ADCK1: variants seen among roughly 807,000 people sequenced by gnomAD.
ADCK1 encodes the protein aarF domain containing kinase 1, also known as aarF domain-containing protein kinase 1.
In ADCK1, 41 loss-of-function variants were observed where a neutral mutation model predicts 52.3. That is an observed-to-expected ratio of 0.78 (90% CI 0.61 to 1.02). The LOEUF (loss-of-function observed/expected upper bound fraction) is 1.02. ADCK1 is among the 50% of genes least tolerant of loss of function. The probability of loss-of-function intolerance (pLI) is 0.00; values close to 1 mark genes in which losing one functional copy is unlikely to be tolerated. For missense variants in ADCK1, 658 were observed against 679.5 expected, an observed-to-expected ratio of 0.97 and a Z score of 0.35; for synonymous variants, 250 against 274.6, an observed-to-expected ratio of 0.91 and a Z score of 0.89.
At chr14:77,908,068 G>T in intron 7 of ADCK1, 149 bp downstream of exon 7, 1 of 643,466 alleles carries the variant, frequency 1.6e-6, no homozygotes, top group Non-Finnish European at 2.7e-6. Flanking sequence ...TAAACTTTGA[G>T]CAAGAAAGAT....
chr14:77,831,864 CG>C (rs1356050672), intron 3 of ADCK1, among the ~76,000 whole-genome samples: 5 of 152,134 alleles, frequency 3.3e-5, no homozygotes, highest in Non-Finnish European at 5.9e-5. Context: ...GGGCTAAGGT[CG>C]GGTGACAACT....
At chr14:77,912,438 G>GTA (rs2083814937) in intron 7 of ADCK1, among the ~76,000 whole-genome samples, 1 of 79,482 alleles carries the variant, frequency 1.3e-5, no homozygotes, top group Non-Finnish European at 2.6e-5. Flanking sequence ...AGGAGCGTGT[G>GTA]TGTGTGTGTG....
intron 4 of ADCK1, among the ~76,000 whole-genome samples, chr14:77,873,860 C>G (rs1444211922): frequency 6.6e-6 from 1 of 152,216 alleles, no homozygotes; most frequent in Admixed American, 6.5e-5. Context: ...TTATAAATTC[C>G]CCAGCCTTGG....
At position 77,931,540 on chromosome 14, in the gene ADCK1, C is replaced by T. The variant is rs746764117; in HGVS notation, c.1229C>T (p.Ala410Val). ...CAGGACTTAGAGATTCGCAACAACG[C>T]GGCCAACTACCTCCCCCAGATCAGC... Reference protein sequence around the residue: ...ATEDLEIRNNAANYLPQISHL... With the variant: ...ATEDLEIRNNVANYLPQISHL... Residue 410 changes from alanine to valine, a missense_variant, in exon 10 of 11, where the codon GCG becomes GTG. Ala to Val is a moderately conservative substitution (Grantham distance 64). Coordinates refer to ENST00000238561, the MANE Select transcript of ADCK1 (RefSeq NM_020421.4). 22 of 1,613,680 alleles carry T rather than the reference C, an allele frequency of 1.4e-5. No homozygotes were observed. The highest frequency in any genetic ancestry group is 4.0e-5 in the African/African-American group (3 of 74,932).
chr14:77,860,796 C>T (rs548847935), intron 4 of ADCK1, among the ~76,000 whole-genome samples: 1 of 152,314 alleles, frequency 6.6e-6, no homozygotes, highest in Middle Eastern at 3.4e-3. Context: ...ACGAGATTCA[C>T]CCCCAAATTA....
intron 1 of ADCK1, among the ~76,000 whole-genome samples, chr14:77,810,329 A>G (rs562158734): frequency 3.9e-5 from 6 of 152,050 alleles, no homozygotes; most frequent in Non-Finnish European, 8.8e-5. Flanking sequence ...TCTTCAGGCT[A>G]GTCTTGAACT....
intron 3 of ADCK1, among the ~76,000 whole-genome samples, chr14:77,854,424 G>A (rs1000126955): frequency 2.0e-5 from 3 of 152,182 alleles, no homozygotes; most frequent in Middle Eastern, 3.4e-3. Flanking sequence ...TTAGAGTATT[G>A]GATTAATCCT....
chr14:77,874,017 C>T (rs920989995), intron 4 of ADCK1, among the ~76,000 whole-genome samples: 1 of 152,196 alleles, frequency 6.6e-6, no homozygotes. Context: ...GGAACTAATA[C>T]CCAAGGTGAG....
intron 3 of ADCK1, among the ~76,000 whole-genome samples, chr14:77,837,296 C>A (rs1291971614): frequency 6.6e-6 from 1 of 151,878 alleles, no homozygotes; most frequent in African/African-American, 2.4e-5. Flanking sequence ...ATCATCATGC[C>A]TGGCTAATTT....
chr14:77,895,273 C>T (rs1182498269), intron 5 of ADCK1, among the ~76,000 whole-genome samples: 1 of 152,156 alleles, frequency 6.6e-6, no homozygotes, highest in Non-Finnish European at 1.5e-5. Context: ...TTACGATTCC[C>T]CCAAATTCAG....
chr14:77,848,071 A>C (rs1862125), intron 3 of ADCK1, among the ~76,000 whole-genome samples: 3 of 152,022 alleles, frequency 2.0e-5, no homozygotes, highest in African/African-American at 4.8e-5. Flanking sequence ...TCTTTTAAAA[A>C]TTTTTTAAAA....
In ADCK1 at chr14:77,896,305, A is replaced by G. The variant is rs187642039; in HGVS notation, c.583-2795A>G. On this transcript the variant is annotated intron_variant, in intron 5 of 10. Coordinates refer to ENST00000238561, the MANE Select transcript of ADCK1 (RefSeq NM_020421.4). ...TGTTTGGCCAGAAGCTTCACCCCCA[A>G]GTAGAGACCTCACTGGGCTACAGGT... Among the ~76,000 whole-genome samples the G allele has an allele frequency of 5.3e-3, 811 of 152,308 alleles. 5 individuals are homozygous for G. The highest frequency in any genetic ancestry group is 7.7e-3 in the Non-Finnish European group (522 of 68,028).
At chr14:77,829,748 T>C (rs2081800132) in intron 3 of ADCK1, among the ~76,000 whole-genome samples, 1 of 151,430 alleles carries the variant, frequency 6.6e-6, no homozygotes, top group South Asian at 2.1e-4. Flanking sequence ...TGTTTGACTC[T>C]CTTACACTCT....
At chr14:77,854,673 C>A (rs112789835) in intron 3 of ADCK1, among the ~76,000 whole-genome samples, 1 of 151,416 alleles carries the variant, frequency 6.6e-6, no homozygotes, top group South Asian at 2.1e-4. Flanking sequence ...TCTTGTGCCT[C>A]AGGCTCCTGA....
Position 77,925,969 on chromosome 14 carries a change from G to A in ADCK1, c.1206+8G>A, listed in dbSNP as rs748031056. The A allele has an allele frequency of 5.0e-6, 8 of 1,613,524 alleles. No individual in the cohort carries two copies. Among genetic ancestry groups the A allele is most frequent in the Middle Eastern group, 1.8e-4 (1 of 5,596 alleles). ...CCCGTCACTGCCACTGAGGTAGGGGGCCCCTCCAGGCCCTGCCTCTTCCTA... is the reference window on the plus strand; with the variant it reads ...CCCGTCACTGCCACTGAGGTAGGGGACCCCTCCAGGCCCTGCCTCTTCCTA... On this transcript the variant is annotated splice_region_variant and intron_variant, in intron 9 of 10. Coordinates refer to ENST00000238561, the MANE Select transcript of ADCK1 (RefSeq NM_020421.4).
chr14:77,801,956 G>A (rs115338603), intron 1 of ADCK1, among the ~76,000 whole-genome samples: 3,176 of 151,998 alleles, frequency 0.021, 104 homozygotes, highest in African/African-American at 0.07. Flanking sequence ...AAAAAATTTA[G>A]TTGGGTCAGC....
chr14:77,839,083 C>T (rs2082015123), intron 3 of ADCK1, among the ~76,000 whole-genome samples: 1 of 152,184 alleles, frequency 6.6e-6, no homozygotes, highest in Non-Finnish European at 1.5e-5. Context: ...TCTAAGTAAA[C>T]AAGGTCATTT....
At chr14:77,850,342 A>ATATCCTAACTCATTTTC (rs2082256347) in intron 3 of ADCK1, among the ~76,000 whole-genome samples, 1 of 152,232 alleles carries the variant, frequency 6.6e-6, no homozygotes, top group African/African-American at 2.4e-5. Context: ...CAAGTCTTTT[A>ATATCCTAACTCATTTTC]TATCCTAACT....
intron 6 of ADCK1, among the ~76,000 whole-genome samples, chr14:77,903,771 G>A (rs1454028553): frequency 1.3e-5 from 2 of 152,174 alleles, no homozygotes; most frequent in East Asian, 1.9e-4. Flanking sequence ...TCTAGAAATT[G>A]TGGACAAACC....
Sources: allele counts gnomAD v4.1 joint callset (sites outside exome capture counted in the v4.1 genomes callset), GRCh38; gene constraint gnomAD v4.1.1; transcripts MANE v1.5; gene names NCBI Gene and HGNC (gene_info 2026-07-23, HGNC 2026-07-21).